Variants in KCNJ6 observed in about 807,000 individuals in gnomAD.
KCNJ6 encodes the protein G protein-activated inward rectifier potassium channel 2.
Under a neutral mutation model 34.2 loss-of-function variants are expected in KCNJ6, and 9 were observed. That is an observed-to-expected ratio of 0.26 (90% CI 0.16 to 0.46). The LOEUF (loss-of-function observed/expected upper bound fraction) is 0.46. Among genes scored for constraint, KCNJ6 ranks in the 20% least tolerant of loss-of-function variants. KCNJ6 has a pLI of 1.00. For missense variants in KCNJ6, 236 were observed against 531.3 expected (o/e 0.44, Z 5.46); for synonymous variants, 196 against 207.1 (o/e 0.95, Z 0.46).
chr21:37,863,856 T>G (rs13050896), intron 1 of KCNJ6, among the ~76,000 whole-genome samples: 53,326 of 113,878 alleles, frequency 0.47, 12,351 homozygotes, highest in East Asian at 0.59. Flanking sequence ...GTTTTTTTTT[T>G]TTTGTTTTTT....
At chr21:37,737,768 G>T (rs1258176859) in intron 2 of KCNJ6, among the ~76,000 whole-genome samples, 1 of 152,232 alleles carries the variant, frequency 6.6e-6, no homozygotes, top group Non-Finnish European at 1.5e-5. Context: ...TGCACAGAAG[G>T]GGGCAGATTC....
chr21:37,646,761 C>G (rs1051608648), intron 3 of KCNJ6, among the ~76,000 whole-genome samples: 2 of 151,738 alleles, frequency 1.3e-5, no homozygotes, highest in Admixed American at 6.6e-5. Flanking sequence ...AGCTCCGCCT[C>G]CCGGGTTCAC....
chr21:37,816,652 A>G (rs2123548894), intron 2 of KCNJ6, among the ~76,000 whole-genome samples: 1 of 152,318 alleles, frequency 6.6e-6, no homozygotes, highest in East Asian at 1.9e-4. Context: ...CTCTGTGGCT[A>G]TAGCAGTGAA....
At chr21:37,765,701 C>T (rs1013955572) in intron 2 of KCNJ6, among the ~76,000 whole-genome samples, 3 of 152,174 alleles carry the variant, frequency 2.0e-5, no homozygotes, top group Non-Finnish European at 2.9e-5. Context: ...AGCCTTCTTT[C>T]AGTGTTTGAA....
At chr21:37,884,840 G>A (rs2055727352) in intron 1 of KCNJ6, among the ~76,000 whole-genome samples, 1 of 152,146 alleles carries the variant, frequency 6.6e-6, no homozygotes, top group Non-Finnish European at 1.5e-5. Context: ...CCTAAATAAT[G>A]TGCGTCTCAC....
intron 2 of KCNJ6, among the ~76,000 whole-genome samples, chr21:37,780,560 C>CTG (rs566143415): frequency 3.4e-4 from 50 of 147,710 alleles, no homozygotes; most frequent in Non-Finnish European, 2.7e-4. Flanking sequence ...TAATGGGAGA[C>CTG]TGTGTGTGTG....
rs201869572 is a variant in KCNJ6 at position 37,908,827 on chromosome 21, T to G, written c.-28+7057A>C. ...CTGGGACAAATCATTTCCTCTGCCT[T>G]ACTCTATCCTGATTCACATTAGCTG... On this transcript the variant is annotated intron_variant, in intron 1 of 3. Coordinates refer to ENST00000609713, the MANE Select transcript of KCNJ6 (RefSeq NM_002240.5). Among the ~76,000 whole-genome samples, 7 of 152,254 alleles carry G rather than the reference T, an allele frequency of 4.6e-5. No individual in the cohort carries two copies. In the East Asian group the frequency reaches 1.3e-3, roughly 29 times the overall value.
intron 2 of KCNJ6, among the ~76,000 whole-genome samples, chr21:37,716,192 G>T (rs753072774): frequency 1.1e-4 from 16 of 152,036 alleles, no homozygotes; most frequent in Non-Finnish European, 2.1e-4. Flanking sequence ...AACATTTCTG[G>T]TTTTTGTCGG....
chr21:37,754,010 C>A (rs960696446), intron 2 of KCNJ6, among the ~76,000 whole-genome samples: 22 of 152,324 alleles, frequency 1.4e-4, no homozygotes, highest in Non-Finnish European at 2.6e-4. Flanking sequence ...AAATCAAAGA[C>A]AACATGCCTG....
chr21:37,627,863 G>A (rs919760938), intron 3 of KCNJ6, among the ~76,000 whole-genome samples: 6 of 152,184 alleles, frequency 3.9e-5, no homozygotes, highest in Non-Finnish European at 8.8e-5. Flanking sequence ...CATGTGCATA[G>A]AGACCCTTGA....
intron 2 of KCNJ6, among the ~76,000 whole-genome samples, chr21:37,734,944 G>T (rs879692242): frequency 3.3e-5 from 5 of 152,104 alleles, no homozygotes; most frequent in South Asian, 2.1e-4. Flanking sequence ...GCGGCTCCTG[G>T]AATGAATGAC....
intron 1 of KCNJ6, among the ~76,000 whole-genome samples, chr21:37,857,374 A>G (rs2055570459): frequency 6.6e-6 from 1 of 152,236 alleles, no homozygotes; most frequent in Non-Finnish European, 1.5e-5. Context: ...CAATGTTTAG[A>G]GCAACAAGAT....
At chr21:37,769,448 A>ATTAT (rs1211863675) in intron 2 of KCNJ6, among the ~76,000 whole-genome samples, 13 of 148,920 alleles carry the variant, frequency 8.7e-5, no homozygotes, top group Middle Eastern at 7.0e-3. Context: ...TATTATTACT[A>ATTAT]TATTTTTTTA....
At chr21:37,663,521 C>G (rs2054499657) in intron 3 of KCNJ6, among the ~76,000 whole-genome samples, 1 of 151,220 alleles carries the variant, frequency 6.6e-6, no homozygotes, top group African/African-American at 2.4e-5. Context: ...AACAAAAGGG[C>G]ATAGAAAAGT....
chr21:37,759,470 G>A (rs183200128), intron 2 of KCNJ6, among the ~76,000 whole-genome samples: 3 of 152,284 alleles, frequency 2.0e-5, no homozygotes, highest in South Asian at 2.1e-4. Context: ...CACCCTGACC[G>A]CAAAGGTGTT....
rs993057369 is a variant in KCNJ6 at position 37,808,310 on chromosome 21, T to C, written c.25+32348A>G. On this transcript the variant is annotated intron_variant, in intron 2 of 3. Coordinates refer to ENST00000609713, the MANE Select transcript of KCNJ6 (RefSeq NM_002240.5). Reference sequence around the variant, plus strand: ...TTATTTTGGTCCTGGGCTATCAAGTTAGCTTTGCCATATTATTCTGAGAAA... The same window carrying C: ...TTATTTTGGTCCTGGGCTATCAAGTCAGCTTTGCCATATTATTCTGAGAAA... 2.0e-5 allele frequency among the ~76,000 whole-genome samples: 3 copies of C among 152,238 alleles called. No homozygotes were observed. The East Asian group carries it at 5.8e-4, about 29-fold the overall frequency.
At chr21:37,825,094 C>T (rs1010889217) in intron 2 of KCNJ6, among the ~76,000 whole-genome samples, 2 of 152,090 alleles carry the variant, frequency 1.3e-5, no homozygotes, top group African/African-American at 4.8e-5. Flanking sequence ...CATTTAGGGT[C>T]CACCTGGATG....
At chr21:37,845,573 G>A (rs1032525970) in intron 1 of KCNJ6, among the ~76,000 whole-genome samples, 4 of 152,158 alleles carry the variant, frequency 2.6e-5, no homozygotes, top group Non-Finnish European at 5.9e-5. Flanking sequence ...ACTGTTTGAG[G>A]AACAAATGAG....
intron 2 of KCNJ6, among the ~76,000 whole-genome samples, chr21:37,715,428 G>A (rs954976211): frequency 4.6e-5 from 7 of 152,218 alleles, no homozygotes; most frequent in African/African-American, 1.7e-4. Context: ...CTCTCACAGA[G>A]GGATGCCTCC....
Sources: allele counts gnomAD v4.1 joint callset (sites outside exome capture counted in the v4.1 genomes callset), GRCh38; gene constraint gnomAD v4.1.1; transcripts MANE v1.5; gene names NCBI Gene and HGNC (gene_info 2026-07-23, HGNC 2026-07-21).